COX17: variants seen among roughly 807,000 people sequenced by gnomAD.
The protein encoded by COX17 is cytochrome c oxidase copper chaperone COX17, also known as cytochrome c oxidase copper chaperone.
COX17 carries 1 observed loss-of-function variant against 6.3 expected under a neutral mutation model. That is an observed-to-expected ratio of 0.16 (90% CI 0.06 to 0.75). The LOEUF is 0.75. COX17 is among the 30% of genes least tolerant of loss of function. The pLI, the probability that COX17 is intolerant of heterozygous loss-of-function variation, is 0.77. For missense variants in COX17, 73 were observed against 81.2 expected, an observed-to-expected ratio of 0.90 and a Z score of 0.39; for synonymous variants, 26 against 30.5, an observed-to-expected ratio of 0.85 and a Z score of 0.49.
At chr3:119,675,893 G>A (rs1287343624) in intron 1 of COX17, among the ~76,000 whole-genome samples, 3 of 152,184 alleles carry the variant, frequency 2.0e-5, no homozygotes, top group Admixed American at 1.3e-4. Flanking sequence ...AGGCAATCGA[G>A]GCAAAGGGAA....
rs368546522 is a variant in COX17 at position 119,677,316 on chromosome 3, G to A, written c.-6C>T. On this transcript the variant is annotated 5_prime_UTR_variant, in exon 1 of 3. Transcript: ENST00000261070. ...GAGTCAACCAGACCCGGCATCTTTCGCGCCAAAAGCAGCTATGAGCGGAGA... is the reference window on the plus strand; with the variant it reads ...GAGTCAACCAGACCCGGCATCTTTCACGCCAAAAGCAGCTATGAGCGGAGA... The A allele has an allele frequency of 3.7e-6, 6 of 1,609,646 alleles. No individual in the cohort carries two copies. The highest frequency in any genetic ancestry group is 1.3e-5 in the African/African-American group (1 of 74,804).
chr3:119,677,089 A>AGGCAGAG (rs376284865), intron 1 of COX17, 115 bp downstream of exon 1: 5 of 576,486 alleles, frequency 8.7e-6, no homozygotes, highest in East Asian at 3.3e-5. Context: ...AGAGGGCAGA[A>AGGCAGAG]GGCAGAGGGC....
chr3:119,665,953 C>A (rs887342752), downstream of COX17, among the ~76,000 whole-genome samples: 1 of 152,178 alleles, frequency 6.6e-6, no homozygotes, highest in Non-Finnish European at 1.5e-5. Flanking sequence ...AAAGTTTGAG[C>A]AAACTATGAG....
chr3:119,677,134 C>T, intron 1 of COX17, 70 bp downstream of exon 1: 1 of 1,213,084 alleles, frequency 8.2e-7, no homozygotes, highest in South Asian at 1.3e-5. Flanking sequence ...GGCCGTAGGG[C>T]AGAGGCACCG....
downstream of COX17, among the ~76,000 whole-genome samples, chr3:119,667,143 G>A (rs560004869): frequency 6.6e-6 from 1 of 152,246 alleles, no homozygotes; most frequent in South Asian, 2.1e-4. Flanking sequence ...GGACTAGAGA[G>A]AATAGTGTGA....
intron 3 of COX17, among the ~76,000 whole-genome samples, chr3:119,664,377 G>T (rs1422340956): frequency 6.6e-6 from 1 of 152,130 alleles, no homozygotes; most frequent in African/African-American, 2.4e-5. Flanking sequence ...TTTTTTCCAC[G>T]AGAAAACATC....
downstream of COX17, chr3:119,669,396 T>C (rs1359606113): frequency 3.9e-5 from 6 of 152,118 alleles, no homozygotes; most frequent in Non-Finnish European, 5.9e-5. Flanking sequence ...TGACAACAGA[T>C]ATCCAGAGTT....
chr3:119,670,991 A>T (rs2053038312), intron 2 of COX17, among the ~76,000 whole-genome samples: 1 of 152,134 alleles, frequency 6.6e-6, no homozygotes, highest in South Asian at 2.1e-4. Flanking sequence ...AGGTTCTTCT[A>T]ATTACTCTTT....
intron 2 of COX17, among the ~76,000 whole-genome samples, chr3:119,670,682 G>C (rs1300153420): frequency 6.6e-6 from 1 of 152,004 alleles, no homozygotes; most frequent in African/African-American, 2.4e-5. Context: ...TCTGCTGAAT[G>C]AACAAATGTT....
At chr3:119,673,065 T>C (rs2053061165) in intron 2 of COX17, among the ~76,000 whole-genome samples, 1 of 152,204 alleles carries the variant, frequency 6.6e-6, no homozygotes, top group South Asian at 2.1e-4. Flanking sequence ...TATTGGCATA[T>C]GGCTTTGGCA....
intron 2 of COX17, among the ~76,000 whole-genome samples, chr3:119,671,731 T>G (rs1287789024): frequency 6.6e-6 from 1 of 152,224 alleles, no homozygotes; most frequent in Non-Finnish European, 1.5e-5. Flanking sequence ...AAAATCTCAT[T>G]AAGTACAAGG....
At chr3:119,675,286 G>T in intron 1 of COX17, 53 bp from the exon 2 acceptor site, 1 of 1,276,656 alleles carries the variant, frequency 7.8e-7, no homozygotes, top group Non-Finnish European at 1.1e-6. Flanking sequence ...ACATTATTAA[G>T]TATGCATGAT....
chr3:119,675,289 T>C (rs1007465192), intron 1 of COX17, 56 bp from the exon 2 acceptor site: 1 of 1,235,428 alleles, frequency 8.1e-7, no homozygotes, highest in Admixed American at 1.7e-5. Flanking sequence ...TTATTAAGTA[T>C]GCATGATAGT....
chr3:119,665,060 A>C (rs1266781516), downstream of COX17, among the ~76,000 whole-genome samples: 1 of 152,176 alleles, frequency 6.6e-6, no homozygotes, highest in East Asian at 1.9e-4. Context: ...CTTGGGTAAT[A>C]TGTTAAGGAA....
downstream of COX17, chr3:119,669,151 C>T (rs1222144032): frequency 2.6e-5 from 4 of 151,240 alleles, no homozygotes; most frequent in Non-Finnish European, 4.4e-5. Context: ...CTAATCTGGT[C>T]CAAAATCTAA....
At chr3:119,664,705 G>C (rs1431335350), downstream of COX17, among the ~76,000 whole-genome samples, 3 of 152,180 alleles carry the variant, frequency 2.0e-5, no homozygotes, top group Non-Finnish European at 2.9e-5. Context: ...CAGAAATTGT[G>C]ACTTTAGACA....
At chr3:119,673,580 G>A (rs776986281) in intron 2 of COX17, among the ~76,000 whole-genome samples, 6 of 152,192 alleles carry the variant, frequency 3.9e-5, no homozygotes, top group Non-Finnish European at 7.3e-5. Context: ...CATCTTCACA[G>A]AAAGGTCTTA....
intron 2 of COX17, chr3:119,674,813 A>T: frequency 5.2e-6 from 1 of 193,686 alleles, no homozygotes; most frequent in Non-Finnish European, 1.0e-5. Context: ...AAAAAAAAAA[A>T]GCATTTACTG....
Position 119,677,217 on chromosome 3 carries a change from C to G in COX17, c.94G>C (p.Ala32Pro), listed in dbSNP as rs760102276. 1 of 1,611,274 alleles carries G rather than the reference C, an allele frequency of 6.2e-7. No homozygotes were observed. Among genetic ancestry groups the G allele is most frequent in the Non-Finnish European group, 8.5e-7 (1 of 1,179,682 alleles). ...PCCACPETKK[A>P]RDACIIEKGE... The stretch of plus-strand genomic sequence containing the variant: ...CTGCGCACTGACCACGCATCGCGCG[C>G]CTTCTTGGTCTCCGGGCAAGCGCAG... The change falls in exon 1 of 3, where the codon GCG (alanine) becomes CCG (proline). Residue 32 changes from alanine to proline, a missense_variant. By Grantham distance (27) the Ala-to-Pro change is conservative (BLOSUM62 -1). Coordinates refer to ENST00000261070, the MANE Select transcript of COX17 (RefSeq NM_005694.2).
Sources: allele counts gnomAD v4.1 joint callset (sites outside exome capture counted in the v4.1 genomes callset), GRCh38; gene constraint gnomAD v4.1.1; transcripts MANE v1.5; gene names NCBI Gene and HGNC (gene_info 2026-07-23, HGNC 2026-07-21).